EVL: variants seen among roughly 807,000 people sequenced by gnomAD.
The protein encoded by EVL is ena/VASP-like protein.
In EVL, 21 loss-of-function variants were observed where a neutral mutation model predicts 59.6. The observed-to-expected ratio is 0.35, with a 90% CI of 0.25 to 0.51. EVL has a LOEUF of 0.51. Ranked by LOEUF, EVL falls within the 20% of genes least tolerant of loss-of-function variation. EVL has a pLI of 0.97. For synonymous variants in EVL, 198 were observed against 203.5 expected (o/e 0.97, Z 0.23); for missense variants, 462 against 546.6 (o/e 0.85, Z 1.54).
chr14:100,040,829 A>G (rs1479276936), intron 1 of EVL, among the ~76,000 whole-genome samples: 1 of 152,210 alleles, frequency 6.6e-6, no homozygotes, highest in Non-Finnish European at 1.5e-5. Context: ...AAATGTGGGC[A>G]TGGAAGAGCA....
At chr14:100,103,086 G>T (rs1376377958) in intron 3 of EVL, among the ~76,000 whole-genome samples, 1 of 133,474 alleles carries the variant, frequency 7.5e-6, no homozygotes, top group Non-Finnish European at 1.5e-5. Context: ...TGGCAACAGA[G>T]CAAGACTCCG....
At chr14:100,018,300 A>G (rs1259065287) in intron 1 of EVL, among the ~76,000 whole-genome samples, 1 of 152,220 alleles carries the variant, frequency 6.6e-6, no homozygotes, top group South Asian at 2.1e-4. Flanking sequence ...AACCTCATCC[A>G]GCTGGTCCAT....
intron 1 of EVL, among the ~76,000 whole-genome samples, chr14:100,071,835 G>C (rs2062054248): frequency 6.6e-6 from 1 of 152,122 alleles, no homozygotes; most frequent in Non-Finnish European, 1.5e-5. Context: ...AGATTTCCTA[G>C]ACTGTGTGGT....
intron 7 of EVL, among the ~76,000 whole-genome samples, 193 bp from the exon 8 acceptor site, chr14:100,132,526 G>A (rs1168939303): frequency 6.6e-6 from 1 of 152,152 alleles, no homozygotes; most frequent in East Asian, 1.9e-4. Context: ...ACCACACGGA[G>A]GGCCTGGACA....
intron 9 of EVL, among the ~76,000 whole-genome samples, chr14:100,136,570 G>T (rs1278345098): frequency 6.6e-6 from 1 of 152,124 alleles, no homozygotes; most frequent in African/African-American, 2.4e-5. Flanking sequence ...TGCCAGGCCT[G>T]TGCTCATGAG....
chr14:100,065,327 T>C, upstream of EVL: 1 of 538,550 alleles, frequency 1.9e-6, no homozygotes, highest in Non-Finnish European at 2.8e-6. Flanking sequence ...AGTTTTTCAC[T>C]TGGGTTTGTT....
chr14:100,086,769 T>C (rs904750624), intron 2 of EVL, among the ~76,000 whole-genome samples: 4 of 152,212 alleles, frequency 2.6e-5, no homozygotes, highest in African/African-American at 9.6e-5. Flanking sequence ...TAGAGTGTGA[T>C]TGAGAAGTTC....
upstream of EVL, among the ~76,000 whole-genome samples, chr14:100,064,485 T>C (rs917131809): frequency 1.3e-5 from 2 of 152,228 alleles, no homozygotes; most frequent in African/African-American, 4.8e-5. Context: ...AATAAACAAG[T>C]GACAAAGCCA....
intron 1 of EVL, among the ~76,000 whole-genome samples, chr14:100,069,645 G>C (rs2062007965): frequency 6.6e-6 from 1 of 152,156 alleles, no homozygotes; most frequent in African/African-American, 2.4e-5. Flanking sequence ...GCCTTCCTCT[G>C]TCTCAAAGAA....
At chr14:100,136,000 G>T (rs75013122) in intron 9 of EVL, 32 bp downstream of exon 9, 1 of 1,612,006 alleles carries the variant, frequency 6.2e-7, no homozygotes, top group Admixed American at 1.7e-5. Context: ...ACCCCAGTGA[G>T]GCATGAGGTC....
intron 3 of EVL, among the ~76,000 whole-genome samples, chr14:100,122,187 G>A (rs1887743595): frequency 6.6e-6 from 1 of 152,206 alleles, no homozygotes; most frequent in Admixed American, 6.5e-5. Context: ...CACCATCCAA[G>A]GGCAGCTTAT....
intron 3 of EVL, among the ~76,000 whole-genome samples, chr14:100,115,552 T>C (rs1018761528): frequency 6.6e-6 from 1 of 152,242 alleles, no homozygotes; most frequent in Non-Finnish European, 1.5e-5. Context: ...GTGATGACCT[T>C]CTAACTTGAC....
chr14:99,976,335 C>T (rs2060770109), intron 1 of EVL, among the ~76,000 whole-genome samples: 1 of 152,084 alleles, frequency 6.6e-6, no homozygotes, highest in African/African-American at 2.4e-5. Context: ...AGCCATTGTG[C>T]CCAGCTGATT....
In EVL at chr14:100,083,554, G is replaced by A. The variant is rs560747125; in HGVS notation, c.12-1133G>A. On this transcript the variant is annotated intron_variant, in intron 1 of 13. Coordinates refer to ENST00000392920, the MANE Select transcript of EVL (RefSeq NM_016337.3). ...GGTTTATGAAGAGCCAGTGGGCTCCGAGAGACTTCCCCTGAATACCGTGGC... is the reference window on the plus strand; with the variant it reads ...GGTTTATGAAGAGCCAGTGGGCTCCAAGAGACTTCCCCTGAATACCGTGGC... Among the ~76,000 whole-genome samples the A allele has an allele frequency of 3.3e-5, 5 of 152,280 alleles. No homozygotes were observed. The East Asian group carries it at 9.6e-4, about 29-fold the overall frequency.
At chr14:100,074,028 G>A (rs1390636591) in intron 1 of EVL, among the ~76,000 whole-genome samples, 4 of 151,996 alleles carry the variant, frequency 2.6e-5, no homozygotes, top group African/African-American at 9.7e-5. Context: ...GGGGGGTCGG[G>A]GAGCAGTGTG....
At chr14:100,038,186 T>G (rs976846740) in intron 1 of EVL, among the ~76,000 whole-genome samples, 1 of 152,130 alleles carries the variant, frequency 6.6e-6, no homozygotes. Flanking sequence ...GTAGATTTAA[T>G]AAAGCACCAC....
At chr14:99,973,710 G>T (rs768768996) in intron 1 of EVL, among the ~76,000 whole-genome samples, 3 of 152,144 alleles carry the variant, frequency 2.0e-5, no homozygotes, top group South Asian at 2.1e-4. Context: ...TGATCAACCC[G>T]CCTTGGCCTC....
intron 1 of EVL, among the ~76,000 whole-genome samples, chr14:100,073,888 G>A (rs1427142809): frequency 1.3e-5 from 2 of 152,054 alleles, no homozygotes; most frequent in Admixed American, 6.6e-5. Flanking sequence ...TTGCCCCTCA[G>A]TTCAGTGGCA....
chr14:100,033,844 G>C (rs2061348833), intron 1 of EVL, among the ~76,000 whole-genome samples: 1 of 152,138 alleles, frequency 6.6e-6, no homozygotes, highest in Admixed American at 6.6e-5. Context: ...ATCAGACTCT[G>C]GAACCTGTGT....
Sources: gnomAD v4.1 joint callset for allele counts (sites outside exome capture counted in the v4.1 genomes callset) on GRCh38, gnomAD v4.1.1 for gene constraint, MANE v1.5 for transcripts, NCBI Gene and HGNC (gene_info 2026-07-23, HGNC 2026-07-21) for gene names.